Variants in NOL9 observed in about 807,000 individuals in gnomAD.
NOL9 encodes polynucleotide 5'-hydroxyl-kinase NOL9.
In NOL9, 28 loss-of-function variants were observed where a neutral mutation model predicts 67.9. The ratio of observed to expected loss-of-function variants is 0.41; its 90% CI spans 0.31 to 0.57. The LOEUF (loss-of-function observed/expected upper bound fraction) is 0.57, where lower values mean the gene tolerates loss of function less well. Ranked by LOEUF, NOL9 falls within the 20% of genes least tolerant of loss-of-function variation. The probability of loss-of-function intolerance (pLI) is 0.25; values close to 1 mark genes in which losing one functional copy is unlikely to be tolerated. For missense variants in NOL9, 777 were observed against 897.0 expected (o/e 0.87, Z 1.71); for synonymous variants, 356 against 352.2 (o/e 1.01, Z -0.12).
At chr1:6,549,018 G>A (rs956961465) in intron 3 of NOL9, among the ~76,000 whole-genome samples, 5 of 151,902 alleles carry the variant, frequency 3.3e-5, no homozygotes, top group African/African-American at 9.7e-5. Flanking sequence ...GGAGGCAGAG[G>A]GTGCAGTGAG....
At position 6,532,739 on chromosome 1, in the gene NOL9, A is replaced by T; in HGVS notation, c.1259T>A (p.Ile420Asn). Residue 420 changes from isoleucine (I) to asparagine (N), a missense_variant, in exon 8 of 12, where the codon ATT (isoleucine) becomes AAT (asparagine). Physicochemically the swap from Ile to Asn is moderately radical, Grantham distance 149 (BLOSUM62 -3). Around this residue, in one of 2 missense-constraint regions of NOL9, gnomAD observed 413 missense variants for 552.6 expected, o/e 0.75. Transcript: ENST00000377705. ...WVSDQGLLLLIDLIRLLSPSH... is the reference protein window; with the variant it reads ...WVSDQGLLLLNDLIRLLSPSH... ...GGGAGACAGCAATCGGATCAGATCA[A>T]TGAGAAGCAGGAGCCCCTGGTCTGT... 6.2e-7 allele frequency: 1 copy of T among 1,612,848 alleles called. No individual in the cohort carries two copies. Among genetic ancestry groups the T allele is most frequent in the Non-Finnish European group, 8.5e-7 (1 of 1,178,910 alleles).
chr1:6,524,099 G>A lies in NOL9; in HGVS notation c.*1755C>T, dbSNP rs1638828028. The A allele has an allele frequency of 6.6e-6, 1 of 152,152 alleles. No homozygotes were observed. Among genetic ancestry groups the A allele is most frequent in the African/African-American group, 2.4e-5 (1 of 41,440 alleles). 9.4% of individuals were successfully genotyped at this position (152,152 alleles called of 1,614,324 possible). A position where few individuals can be genotyped will look rare whatever the true frequency, so the allele number is the denominator to read the frequency against. Reference sequence around the variant, plus strand: ...AGCCAGATTTCAACATAAATAAGGGGCAACTAAGAAGCTAGACTCAATTGT... The same window carrying A: ...AGCCAGATTTCAACATAAATAAGGGACAACTAAGAAGCTAGACTCAATTGT... On this transcript the variant is annotated 3_prime_UTR_variant, in exon 12 of 12. Transcript: ENST00000377705.
At chr1:6,543,017 C>T (rs1012555760) in intron 5 of NOL9, among the ~76,000 whole-genome samples, 6 of 152,022 alleles carry the variant, frequency 3.9e-5, no homozygotes, top group Non-Finnish European at 7.4e-5. Context: ...CCTTAGCCTC[C>T]CAAGTAGCTG....
intron 1 of NOL9, among the ~76,000 whole-genome samples, chr1:6,553,445 A>T (rs1479869736): frequency 6.6e-6 from 1 of 152,122 alleles, no homozygotes; most frequent in African/African-American, 2.4e-5. Context: ...AGAGAGCTGG[A>T]TGTTTAAATG....
At chr1:6,551,025 G>A (rs1015206606) in intron 1 of NOL9, among the ~76,000 whole-genome samples, 1 of 152,194 alleles carries the variant, frequency 6.6e-6, no homozygotes, top group Non-Finnish European at 1.5e-5. Flanking sequence ...TCAAAAGGCA[G>A]GTAAGGCCAG....
rs1638784326 is a variant in NOL9 at position 6,522,180 on chromosome 1, C to T, written c.*3674G>A. 1.3e-5 allele frequency: 2 copies of T among 152,086 alleles called. No homozygotes were observed. Among genetic ancestry groups the T allele is most frequent in the East Asian group, 1.9e-4 (1 of 5,182 alleles). 9.4% of individuals were successfully genotyped at this position (152,086 alleles called of 1,614,324 possible). On this transcript the variant is annotated 3_prime_UTR_variant, in exon 12 of 12. Transcript: ENST00000377705. ...CCAACATAGTAAAACCCCATCTCTA[C>T]TAAAAATACAAAAAAAATTAGCTAG...
rs1557779358 is a variant in NOL9, at chr1:6,524,664, T to C, written c.*1190A>G. ...CCAGTCTCCAGCTCTGCCCTGTGGTTGTCTCTGGCCTCAGATCAGAAGTCA... is the reference window on the plus strand; with the variant it reads ...CCAGTCTCCAGCTCTGCCCTGTGGTCGTCTCTGGCCTCAGATCAGAAGTCA... On this transcript the variant is annotated 3_prime_UTR_variant, in exon 12 of 12. Coordinates refer to ENST00000377705, the MANE Select transcript of NOL9 (RefSeq NM_024654.5). The C allele has an allele frequency of 1.3e-5, 2 of 152,218 alleles. No homozygotes were observed. Among genetic ancestry groups the C allele is most frequent in the African/African-American group, 2.4e-5 (1 of 41,456 alleles). 9.4% of individuals were successfully genotyped at this position (152,218 alleles called of 1,614,324 possible).
chr1:6,545,623 C>T (rs1388493233), intron 3 of NOL9, among the ~76,000 whole-genome samples: 1 of 152,130 alleles, frequency 6.6e-6, no homozygotes. Flanking sequence ...GAAAGCAACC[C>T]AAGGAAAGGA....
At chr1:6,535,437 G>T (rs535621534) in intron 6 of NOL9, among the ~76,000 whole-genome samples, 2 of 152,294 alleles carry the variant, frequency 1.3e-5, no homozygotes, top group South Asian at 4.1e-4. Flanking sequence ...CCATGGAGTA[G>T]CCAGGGTCAG....
rs974598605 is a variant in NOL9, at chr1:6,529,102, C to T, written c.1717G>A (p.Val573Ile). 1.2e-6 allele frequency: 2 copies of T among 1,614,082 alleles called. No homozygotes were observed. The highest frequency in any genetic ancestry group is 1.1e-5 in the South Asian group (1 of 91,084). Reference protein sequence around the residue: ...DVAPTHILYAVNASWVGLCKI... With the variant: ...DVAPTHILYAINASWVGLCKI... ...CAAAGACCAACCCAGCTGGCGTTTA[C>T]AGCATATAGTATATGGGTAGGGGCG... is the stretch of plus-strand genomic sequence containing the variant. The change falls in exon 10 of 12, where the codon GTA becomes ATA. Residue 573 changes from valine to isoleucine, a missense_variant. By Grantham distance (29) the Val-to-Ile change is conservative. Coordinates refer to ENST00000377705, the MANE Select transcript of NOL9 (RefSeq NM_024654.5).
intron 3 of NOL9, chr1:6,548,628 T>G: frequency 2.8e-6 from 1 of 360,912 alleles, no homozygotes; most frequent in South Asian, 2.4e-5. Context: ...AAATAAAAAA[T>G]GAAGCCTTTT....
At position 6,525,823 on chromosome 1, in the gene NOL9, A is replaced by G. The variant is rs758682452; in HGVS notation, c.*31T>C. ...GCTTGAGACAAAGCTTTCTGGTAGG[A>G]AAGTTTCTTCCCTTATTAAAAACGC... is the stretch of plus-strand genomic sequence containing the variant. On this transcript the variant is annotated 3_prime_UTR_variant, in exon 12 of 12. Coordinates refer to ENST00000377705, the MANE Select transcript of NOL9 (RefSeq NM_024654.5). 1.9e-6 allele frequency: 3 copies of G among 1,611,314 alleles called. No individual in the cohort carries two copies. The highest frequency in any genetic ancestry group is 3.3e-5 in the Admixed American group (2 of 59,714).
chr1:6,540,840 AAGC>A (rs1639270619), intron 6 of NOL9: 3 of 151,968 alleles, frequency 2.0e-5, no homozygotes, highest in African/African-American at 7.3e-5. Flanking sequence ...AAAAAAAAAA[AAGC>A]AAGCAAGGTG....
chr1:6,543,677 G>A (rs1557790985), intron 5 of NOL9, among the ~76,000 whole-genome samples: 1 of 152,112 alleles, frequency 6.6e-6, no homozygotes, highest in Non-Finnish European at 1.5e-5. Flanking sequence ...TGTTGTTGTT[G>A]TAAAGGTAAA....
intron 9 of NOL9, among the ~76,000 whole-genome samples, chr1:6,530,853 T>C (rs960053120): frequency 1.3e-5 from 2 of 152,270 alleles, no homozygotes; most frequent in African/African-American, 4.8e-5. Flanking sequence ...CCGGACATGC[T>C]GTGCGGCAGA....
chr1:6,538,897 G>A (rs1183777382), intron 6 of NOL9, among the ~76,000 whole-genome samples: 2 of 152,150 alleles, frequency 1.3e-5, no homozygotes. Flanking sequence ...GCTTGAACCC[G>A]GGAGGTGGAG....
chr1:6,549,091 G>A (rs6679921), intron 3 of NOL9, among the ~76,000 whole-genome samples: 148,209 of 151,986 alleles, frequency 0.98, 72,369 homozygotes, highest in Non-Finnish European at 1. Context: ...TCAAAACAAA[G>A]AACAAAAAAA....
At chr1:6,543,743 A>C (rs1341267295) in intron 5 of NOL9, among the ~76,000 whole-genome samples, 5 of 152,214 alleles carry the variant, frequency 3.3e-5, no homozygotes, top group Admixed American at 2.0e-4. Context: ...TGTGAGGCCA[A>C]GGTAGGAGGA....
chr1:6,550,615 C>T lies in NOL9; in HGVS notation c.397G>A (p.Gly133Ser), dbSNP rs1639524903. Reference sequence around the variant, plus strand: ...CGACAGATCCCACTAAAAGTAAAACCCTAGCAGGGAGAGAAAACAGAAAAA... The same window carrying T: ...CGACAGATCCCACTAAAAGTAAAACTCTAGCAGGGAGAGAAAACAGAAAAA... ...RALLLLPVEQ[G>S]FTFSGICRVT... Residue 133 changes from glycine to serine, a missense_variant and splice_region_variant, in exon 2 of 12, where the codon GGT (glycine) becomes AGT (serine). This residue lies in a region of NOL9 where 364 missense variants were observed against 344.4 expected (regional missense o/e 1.06). Coordinates refer to ENST00000377705, the MANE Select transcript of NOL9 (RefSeq NM_024654.5). 1.2e-6 allele frequency: 2 copies of T among 1,611,140 alleles called. No individual in the cohort carries two copies. The highest frequency in any genetic ancestry group is 8.5e-7 in the Non-Finnish European group (1 of 1,177,738).
Sources: gnomAD v4.1 joint callset for allele counts (sites outside exome capture counted in the v4.1 genomes callset) on GRCh38, gnomAD v4.1.1 for gene constraint, gnomAD v4.1.1 regional missense constraint, MANE v1.5 for transcripts, NCBI Gene and HGNC (gene_info 2026-07-23, HGNC 2026-07-21) for gene names.